HIF1A: variants seen among roughly 807,000 people sequenced by gnomAD.
The protein encoded by HIF1A is hypoxia inducible factor 1 subunit alpha.
A neutral mutation model predicts 92.7 loss-of-function variants in HIF1A; 24 were observed. The ratio of observed to expected loss-of-function variants is 0.26; its 90% CI spans 0.19 to 0.36. The LOEUF (loss-of-function observed/expected upper bound fraction) is 0.36, where lower values mean the gene tolerates loss of function less well. Among genes scored for constraint, HIF1A ranks in the 10% least tolerant of loss-of-function variants. The pLI, the probability that HIF1A is intolerant of heterozygous loss-of-function variation, is 1.00. For missense variants in HIF1A, 799 were observed against 998.5 expected, an observed-to-expected ratio of 0.80 and a Z score of 2.69; for synonymous variants, 319 against 338.7, an observed-to-expected ratio of 0.94 and a Z score of 0.64.
chr14:61,727,376 C>A, intron 5 of HIF1A, 77 bp from the exon 6 acceptor site: 1 of 1,057,492 alleles, frequency 9.5e-7, no homozygotes, highest in Non-Finnish European at 1.5e-6. Context: ...CCATGTCAGA[C>A]TCAACTACTT....
At chr14:61,704,444 G>A (rs940400257) in intron 1 of HIF1A, among the ~76,000 whole-genome samples, 4 of 152,076 alleles carry the variant, frequency 2.6e-5, no homozygotes, top group Non-Finnish European at 5.9e-5. Context: ...GAAGAAAAAT[G>A]TTCTCAAAGC....
chr14:61,740,806 G>T lies in HIF1A; in HGVS notation c.1711G>T (p.Asp571Tyr). ...AGCTCCCTATATCCCAATGGATGAT[G>T]ACTTCCAGTTACGTTCCTTCGATCA... is the stretch of plus-strand genomic sequence containing the variant. ...MLAPYIPMDD[D>Y]FQLRSFDQLS... The change falls in exon 12 of 15, where the codon GAC becomes TAC. Residue 571 changes from aspartate to tyrosine, a missense_variant. Around this residue, in one of 2 missense-constraint regions of HIF1A, gnomAD observed 516 missense variants for 721.0 expected, o/e 0.72. Coordinates refer to ENST00000337138, the MANE Select transcript of HIF1A (RefSeq NM_001530.4). The T allele has an allele frequency of 6.2e-7, 1 of 1,614,094 alleles. No homozygotes were observed. Among genetic ancestry groups the T allele is most frequent in the South Asian group, 1.1e-5 (1 of 91,060 alleles).
intron 1 of HIF1A, among the ~76,000 whole-genome samples, chr14:61,720,103 C>T (rs751308217): frequency 6.6e-6 from 1 of 152,158 alleles, no homozygotes; most frequent in South Asian, 2.1e-4. Flanking sequence ...ACATTCTCTC[C>T]AATTACATAT....
chr14:61,747,015 C>G lies in HIF1A; in HGVS notation c.2411C>G (p.Ala804Gly). ...ACCAGTTATGATTGTGAAGTTAATG[C>G]TCCTATACAAGGCAGCAGAAACCTA... ...QLTSYDCEVN[A>G]PIQGSRNLLQ... Residue 804 changes from alanine to glycine, a missense_variant, in exon 15 of 15, where the codon GCT becomes GGT. By Grantham distance (60) the Ala-to-Gly change is moderately conservative (BLOSUM62 0). Transcript: ENST00000337138. 6.2e-7 allele frequency: 1 copy of G among 1,613,496 alleles called. No individual in the cohort carries two copies. The highest frequency in any genetic ancestry group is 8.5e-7 in the Non-Finnish European group (1 of 1,179,488).
chr14:61,703,056 T>G (rs1234252098), intron 1 of HIF1A, among the ~76,000 whole-genome samples: 1 of 152,200 alleles, frequency 6.6e-6, no homozygotes, highest in African/African-American at 2.4e-5. Context: ...ATAGTCTGTT[T>G]TACCATTACT....
chr14:61,728,500 C>T (rs1299694273), intron 6 of HIF1A, among the ~76,000 whole-genome samples: 1 of 152,184 alleles, frequency 6.6e-6, no homozygotes, highest in Non-Finnish European at 1.5e-5. Flanking sequence ...CCCCAAACAA[C>T]ATCATCATCA....
chr14:61,726,282 A>C (rs2044503059), intron 4 of HIF1A: 1 of 152,588 alleles, frequency 6.6e-6, no homozygotes, highest in African/African-American at 2.4e-5. Context: ...GTTATTTTAA[A>C]GGTTCTATAA....
Position 61,736,953 on chromosome 14 carries a change from G to C in HIF1A, c.1093G>C (p.Glu365Gln). The C allele has an allele frequency of 6.2e-7, 1 of 1,614,078 alleles. No individual in the cohort carries two copies. Among genetic ancestry groups the C allele is most frequent in the Non-Finnish European group, 8.5e-7 (1 of 1,179,954 alleles). ...QQTECVLKPV[E>Q]SSDMKMTQLF... ...AACAGAATGTGTCCTTAAACCGGTTGAATCTTCAGATATGAAAATGACTCA... is the reference window on the plus strand; with the variant it reads ...AACAGAATGTGTCCTTAAACCGGTTCAATCTTCAGATATGAAAATGACTCA... Residue 365 changes from glutamate to glutamine, a missense_variant, in exon 9 of 15, where the codon GAA (glutamate) becomes CAA (glutamine). By Grantham distance (29) the Glu-to-Gln change is conservative. Around this residue, in one of 2 missense-constraint regions of HIF1A, gnomAD observed 516 missense variants for 721.0 expected, o/e 0.72. Transcript: ENST00000337138.
chr14:61,744,869 GT>G, intron 13 of HIF1A, 56 bp downstream of exon 13: 1 of 601,684 alleles, frequency 1.7e-6, no homozygotes, highest in Non-Finnish European at 2.9e-6. Flanking sequence ...TCGTGTGTGT[GT>G]GTGTGTGTGT....
At chr14:61,695,892 T>C in intron 1 of HIF1A, 53 bp downstream of exon 1, 1 of 1,519,010 alleles carries the variant, frequency 6.6e-7, no homozygotes, top group East Asian at 2.4e-5. Flanking sequence ...CCCGCCCGCC[T>C]GCCCGCCCTG....
At chr14:61,742,601 T>G (rs2044725433) in intron 12 of HIF1A, among the ~76,000 whole-genome samples, 1 of 152,094 alleles carries the variant, frequency 6.6e-6, no homozygotes, top group African/African-American at 2.4e-5. Context: ...AAATGGTTGT[T>G]GAGGCAGGGC....
chr14:61,727,864 T>TACTAAAAA (rs1197445290), intron 6 of HIF1A, among the ~76,000 whole-genome samples: 1 of 151,952 alleles, frequency 6.6e-6, no homozygotes, highest in Non-Finnish European at 1.5e-5. Flanking sequence ...ACCCCATCTC[T>TACTAAAAA]ACTAAAAAAT....
At chr14:61,725,505 C>T (rs1364578352) in intron 4 of HIF1A, among the ~76,000 whole-genome samples, 3 of 152,118 alleles carry the variant, frequency 2.0e-5, no homozygotes, top group African/African-American at 7.2e-5. Flanking sequence ...ACCTCTGCCT[C>T]CCGGGTTCAA....
At chr14:61,699,293 GTC>G (rs2044150327) in intron 1 of HIF1A, among the ~76,000 whole-genome samples, 1 of 152,208 alleles carries the variant, frequency 6.6e-6, no homozygotes, top group Non-Finnish European at 1.5e-5. Context: ...TTTGGAGAAT[GTC>G]AACTTTTCTA....
intron 2 of HIF1A, 34 bp downstream of exon 2, chr14:61,720,606 AAAATTAG>A: frequency 7.5e-7 from 1 of 1,330,958 alleles, no homozygotes; most frequent in Non-Finnish European, 1.0e-6. Flanking sequence ...AATAGGCCTG[AAAATTAG>A]AAGTTAGAAG....
rs770582604 is a variant in HIF1A at position 61,740,625 on chromosome 14, C to G, written c.1657C>G (p.Gln553Glu). 4 of 1,592,820 alleles carry G rather than the reference C, an allele frequency of 2.5e-6. No individual in the cohort carries two copies. The highest frequency in any genetic ancestry group is 1.7e-4 in the Middle Eastern group (1 of 5,946). ...AGAAGCAAAGAACCCATTTTCTACT[C>G]AGGTATATGAACTTATTTGTTTTAT... ...DTEAKNPFST[Q>E]DTDLDLEMLA... The change falls in exon 11 of 15, where the codon CAG becomes GAG. Residue 553 changes from glutamine (Q) to glutamate (E), a missense_variant and splice_region_variant. Coordinates refer to ENST00000337138, the MANE Select transcript of HIF1A (RefSeq NM_001530.4).
chr14:61,745,939 T>C, intron 14 of HIF1A, 122 bp downstream of exon 14: 2 of 913,432 alleles, frequency 2.2e-6, no homozygotes, highest in Non-Finnish European at 3.3e-6. Flanking sequence ...AAAGTAAAGT[T>C]GTGGCTGGGC....
intron 5 of HIF1A, 78 bp downstream of exon 5, chr14:61,726,896 T>C (rs1020730115): frequency 2.5e-6 from 2 of 796,724 alleles, no homozygotes; most frequent in African/African-American, 3.6e-5. Flanking sequence ...ACTTTAGAAT[T>C]GTGAGGGAAG....
chr14:61,733,996 G>A, intron 7 of HIF1A, 142 bp from the exon 8 acceptor site: 1 of 540,978 alleles, frequency 1.8e-6, no homozygotes, highest in East Asian at 3.3e-5. Context: ...CGCACTGTCA[G>A]AATGTAAGCA....
Sources: allele counts gnomAD v4.1 joint callset (sites outside exome capture counted in the v4.1 genomes callset), GRCh38; gene constraint gnomAD v4.1.1; regional missense constraint gnomAD v4.1.1; transcripts MANE v1.5; gene names NCBI Gene and HGNC (gene_info 2026-07-23, HGNC 2026-07-21).